Variants in AFG2A observed in about 807,000 individuals in gnomAD.
AFG2A encodes the protein AAA ATPase AFG2A, also known as ATPase family gene 2 protein homolog A.
At chr4:123,310,207 G>T in the AFG2A span, among the ~76,000 whole-genome samples, 1 of 152,224 alleles carries the variant, frequency 6.6e-6, no homozygotes, top group Admixed American at 6.5e-5. Flanking sequence ...TCTGTCAGCT[G>T]CTTGTGCATC....
At chr4:123,135,167 A>C in the AFG2A span, among the ~76,000 whole-genome samples, 1 of 152,230 alleles carries the variant, frequency 6.6e-6, no homozygotes, top group African/African-American at 2.4e-5. Flanking sequence ...CTACATGATC[A>C]TTTCAATAGA....
the AFG2A span, among the ~76,000 whole-genome samples, chr4:123,111,397 TGAAA>T: frequency 1.3e-5 from 2 of 152,200 alleles, no homozygotes; most frequent in African/African-American, 4.8e-5. Context: ...CTTTCTTTGA[TGAAA>T]GACAGAAACC....
the AFG2A span, among the ~76,000 whole-genome samples, chr4:123,160,472 T>C: frequency 6.6e-6 from 1 of 152,198 alleles, no homozygotes; most frequent in East Asian, 1.9e-4. Flanking sequence ...CCAGGCTTCC[T>C]TTGGTGGTAT....
the AFG2A span, chr4:122,927,890 A>C: frequency 7.8e-7 from 1 of 1,276,056 alleles, no homozygotes; most frequent in East Asian, 2.6e-5. Context: ...TTTGGATTTC[A>C]GATTTGGGAT....
At chr4:123,020,357 T>C in the AFG2A span, among the ~76,000 whole-genome samples, 1 of 151,850 alleles carries the variant, frequency 6.6e-6, no homozygotes, top group South Asian at 2.1e-4. Context: ...AAAATACATA[T>C]ATGTGTATGT....
the AFG2A span, among the ~76,000 whole-genome samples, chr4:123,286,204 G>A: frequency 1.3e-5 from 2 of 152,124 alleles, no homozygotes; most frequent in Non-Finnish European, 1.5e-5. Context: ...AAAAGTCAGA[G>A]CTGGTAAGTT....
At chr4:123,144,177 T>C in the AFG2A span, among the ~76,000 whole-genome samples, 5 of 152,106 alleles carry the variant, frequency 3.3e-5, no homozygotes, top group African/African-American at 1.2e-4. Context: ...TAGGAATTAC[T>C]GTAATCATTT....
chr4:123,136,339 G>C, the AFG2A span, among the ~76,000 whole-genome samples: 4 of 150,922 alleles, frequency 2.7e-5, no homozygotes, highest in Non-Finnish European at 4.4e-5. Context: ...TTTTAGACCA[G>C]CCGAACCAAC....
At chr4:123,183,729 T>C in the AFG2A span, among the ~76,000 whole-genome samples, 24 of 152,282 alleles carry the variant, frequency 1.6e-4, no homozygotes, top group African/African-American at 5.3e-4. Flanking sequence ...GCTGCTTGAT[T>C]TACATGAGGC....
chr4:123,159,557 C>T, the AFG2A span, among the ~76,000 whole-genome samples: 92,142 of 152,076 alleles, frequency 0.61, 32,804 homozygotes, highest in East Asian at 0.97. Context: ...CATTGAAATA[C>T]AGTAAGTCGT....
the AFG2A span, among the ~76,000 whole-genome samples, chr4:123,195,245 A>G: frequency 6.6e-6 from 1 of 152,220 alleles, no homozygotes; most frequent in Non-Finnish European, 1.5e-5. Context: ...TGTTGTCCAT[A>G]CTATCCACGC....
the AFG2A span, among the ~76,000 whole-genome samples, chr4:122,997,219 T>G: frequency 1.2e-4 from 19 of 152,188 alleles, no homozygotes; most frequent in Admixed American, 1.2e-3. Context: ...TCCATGGTCT[T>G]TAGTATATCT....
the AFG2A span, among the ~76,000 whole-genome samples, chr4:123,159,545 G>C: frequency 2.0e-5 from 3 of 152,162 alleles, no homozygotes; most frequent in Non-Finnish European, 4.4e-5. Flanking sequence ...GTTTCCTATA[G>C]TCATTGAAAT....
the AFG2A span, among the ~76,000 whole-genome samples, chr4:123,202,894 G>A: frequency 6.4e-4 from 97 of 152,230 alleles, no homozygotes; most frequent in African/African-American, 2.1e-3. Context: ...ACGATGGCTT[G>A]CATCTGTAGT....
At chr4:123,171,465 T>A in the AFG2A span, among the ~76,000 whole-genome samples, 1 of 152,122 alleles carries the variant, frequency 6.6e-6, no homozygotes, top group East Asian at 1.9e-4. Context: ...AAAACATACA[T>A]ACACTTCCAG....
At chr4:122,961,214 A>T in the AFG2A span, among the ~76,000 whole-genome samples, 12 of 152,308 alleles carry the variant, frequency 7.9e-5, no homozygotes, top group Admixed American at 7.8e-4. Context: ...GTGTCACTTA[A>T]TTTCTCCTTT....
chr4:123,031,921 A>T, the AFG2A span, among the ~76,000 whole-genome samples: 1 of 152,042 alleles, frequency 6.6e-6, no homozygotes, highest in African/African-American at 2.4e-5. Flanking sequence ...AGATTGTGAC[A>T]TTTGACATAC....
chr4:123,099,602 T>C, the AFG2A span, among the ~76,000 whole-genome samples: 1 of 151,782 alleles, frequency 6.6e-6, no homozygotes, highest in African/African-American at 2.4e-5. Context: ...AAGTCGTATT[T>C]GAGTAAAAAA....
the AFG2A span, among the ~76,000 whole-genome samples, chr4:123,001,681 A>T: frequency 6.6e-6 from 1 of 151,822 alleles, no homozygotes; most frequent in South Asian, 2.1e-4. Flanking sequence ...GTTTGTTATA[A>T]TTTCTGTTCT....
Sources: gnomAD v4.1 joint callset for allele counts (sites outside exome capture counted in the v4.1 genomes callset) on GRCh38, gnomAD v4.1.1 for gene constraint, MANE v1.5 for transcripts, NCBI Gene and HGNC (gene_info 2026-07-23, HGNC 2026-07-21) for gene names.